Variants in MAPK8IP1 observed in about 807,000 individuals in gnomAD.
MAPK8IP1 encodes mitogen-activated protein kinase 8 interacting protein 1.
MAPK8IP1 carries 17 observed loss-of-function variants against 72.6 expected under a neutral mutation model. The observed-to-expected ratio is 0.23, with a 90% CI of 0.16 to 0.35. The LOEUF is 0.35. MAPK8IP1 is among the 10% of genes least tolerant of loss of function. The probability of loss-of-function intolerance (pLI) is 1.00; values close to 1 mark genes in which losing one functional copy is unlikely to be tolerated. For missense variants in MAPK8IP1, 789 were observed against 1,009.7 expected, an observed-to-expected ratio of 0.78 and a Z score of 2.96; for synonymous variants, 401 against 443.4, an observed-to-expected ratio of 0.90 and a Z score of 1.20.
Position 45,904,012 on chromosome 11 carries a change from A to G in MAPK8IP1, c.1517A>G (p.Glu506Gly). The G allele has an allele frequency of 6.2e-7, 1 of 1,613,710 alleles. No homozygotes were observed. Among genetic ancestry groups the G allele is most frequent in the South Asian group, 1.1e-5 (1 of 91,060 alleles). Residue 506 changes from glutamate to glycine, a missense_variant, in exon 7 of 12, where the codon GAA becomes GGA. Coordinates refer to ENST00000241014, the MANE Select transcript of MAPK8IP1 (RefSeq NM_005456.4). This position sits in a 1 kb window ranked among gnomAD's most constrained non-coding sequence, Gnocchi z 6.4. ...IFRFVPRHED[E>G]LELEVDDPLL... ...AGGTTTGTGCCTCGACACGAAGACG[A>G]ACTTGAGCTGGAAGTGGATGACCCT...
rs1590786694 is a variant in MAPK8IP1 at position 45,900,921 on chromosome 11, G to GC, written c.522+471dup. Among the ~76,000 whole-genome samples, 1 of 152,094 alleles carries GC rather than the reference G, an allele frequency of 6.6e-6. No homozygotes were observed. The highest frequency in any genetic ancestry group is 1.9e-4 in the East Asian group (1 of 5,176). ...CGAGGTGGGGATGGGAAGCTCAGGGGCCACAGCCAGTTTAAGATCTGGGCA... is the reference window on the plus strand; with the variant it reads ...CGAGGTGGGGATGGGAAGCTCAGGGGCCCACAGCCAGTTTAAGATCTGGGCA... On this transcript the variant is annotated intron_variant, in intron 3 of 11. Coordinates refer to ENST00000241014, the MANE Select transcript of MAPK8IP1 (RefSeq NM_005456.4). The surrounding 1 kb of genome is among the most constrained non-coding windows in gnomAD (Gnocchi z 6.5).
In MAPK8IP1 at chr11:45,903,862, A is replaced by G. The variant is rs1480933589; in HGVS notation, c.1494-127A>G. ...TCTCCCCTGGGGTTAGTACTGCAAC[A>G]GGCACACAGGATGCTTTTGCAAATG... On this transcript the variant is annotated intron_variant, in intron 6 of 11. Coordinates refer to ENST00000241014, the MANE Select transcript of MAPK8IP1 (RefSeq NM_005456.4). The surrounding 1 kb of genome is among the most constrained non-coding windows in gnomAD (Gnocchi z 6.4). The G allele has an allele frequency of 3.4e-6, 3 of 879,860 alleles. No individual in the cohort carries two copies. Among genetic ancestry groups the G allele is most frequent in the Non-Finnish European group, 5.7e-6 (3 of 528,592 alleles). The allele number at this position is 879,860 out of a possible 1,614,324, so 54.5% of individuals were successfully genotyped here.
In MAPK8IP1 at chr11:45,885,937, C is replaced by T. The variant is rs2134662097; in HGVS notation, c.101+16C>T. 2 of 1,457,898 alleles carry T rather than the reference C, an allele frequency of 1.4e-6. No individual in the cohort carries two copies. Among genetic ancestry groups the T allele is most frequent in the African/African-American group, 1.5e-5 (1 of 68,410 alleles). 90.3% of individuals were successfully genotyped at this position (1,457,898 alleles called of 1,614,324 possible). A position where few individuals can be genotyped will look rare whatever the true frequency, so the allele number is the denominator to read the frequency against. On this transcript the variant is annotated intron_variant, in intron 1 of 11. Coordinates refer to ENST00000241014, the MANE Select transcript of MAPK8IP1 (RefSeq NM_005456.4). ...CCAATTTCAGGTGAGAGTCCCCGGC[C>T]GCCGCGCGCCTCGCCCTTCAGCGGG...
chr11:45,893,276 G>A (rs2086580204), intron 1 of MAPK8IP1, among the ~76,000 whole-genome samples: 1 of 147,592 alleles, frequency 6.8e-6, no homozygotes, highest in Admixed American at 6.6e-5. Flanking sequence ...TGTGGTTGGT[G>A]GAAATGTGAC....
intron 1 of MAPK8IP1, chr11:45,897,081 A>G: frequency 5.5e-6 from 5 of 917,250 alleles, no homozygotes; most frequent in Non-Finnish European, 8.6e-6. Context: ...GGGCTAAGCC[A>G]CCATCTCTCC....
intron 3 of MAPK8IP1, among the ~76,000 whole-genome samples, chr11:45,901,052 G>C (rs546091364): frequency 6.6e-6 from 1 of 152,126 alleles, no homozygotes. Flanking sequence ...AAGGAGAGTT[G>C]AATAGGGTTG....
At chr11:45,898,301 C>CATGAA in intron 2 of MAPK8IP1, 111 bp downstream of exon 2, 1 of 708,698 alleles carries the variant, frequency 1.4e-6, no homozygotes, top group Non-Finnish European at 2.5e-6. Flanking sequence ...CTGGCACCCT[C>CATGAA]ATGAAATGAA....
chr11:45,889,065 A>T (rs1472495780), intron 1 of MAPK8IP1, among the ~76,000 whole-genome samples: 1 of 152,180 alleles, frequency 6.6e-6, no homozygotes, highest in East Asian at 1.9e-4. Context: ...AGTGTTTCAG[A>T]TTTCTAATTT....
intron 1 of MAPK8IP1, chr11:45,896,414 TA>T: frequency 1.7e-6 from 1 of 577,760 alleles, no homozygotes; most frequent in Non-Finnish European, 2.2e-6. Context: ...ACTGGCCCTT[TA>T]AAGCCAACCA....
rs1354791763 is a variant in MAPK8IP1 at position 45,905,174 on chromosome 11, A to C, written c.1988A>C (p.His663Pro). 2 of 1,612,494 alleles carry C rather than the reference A, an allele frequency of 1.2e-6. No homozygotes were observed. Among genetic ancestry groups the C allele is most frequent in the Non-Finnish European group, 8.5e-7 (1 of 1,179,848 alleles). The part of the protein sequence containing the change: ...NNKYFGFITK[H>P]PADHRFACHV... ...AGGTACTTTGGGTTCATCACCAAGC[A>C]CCCCGCCGACCACCGGTTTGCCTGC... Residue 663 changes from histidine (H) to proline (P), a missense_variant, in exon 11 of 12, where the codon CAC becomes CCC. This residue lies in a region of MAPK8IP1 where 188 missense variants were observed against 293.3 expected (regional missense o/e 0.64). Coordinates refer to ENST00000241014, the MANE Select transcript of MAPK8IP1 (RefSeq NM_005456.4).
intron 11 of MAPK8IP1, 41 bp from the exon 12 acceptor site, chr11:45,905,608 C>T (rs751614548): frequency 3.2e-6 from 5 of 1,563,210 alleles, no homozygotes; most frequent in Non-Finnish European, 4.4e-6. Context: ...CCTCCCTTGC[C>T]AGTGGCGATC....
At position 45,904,363 on chromosome 11, in the gene MAPK8IP1, C is replaced by T; in HGVS notation, c.1667-92C>T. On this transcript the variant is annotated intron_variant, in intron 7 of 11. Coordinates refer to ENST00000241014, the MANE Select transcript of MAPK8IP1 (RefSeq NM_005456.4). This position sits in a 1 kb window ranked among gnomAD's most constrained non-coding sequence, Gnocchi z 6.4. Reference sequence around the variant, plus strand: ...ATTGTGGCAGCCTCTGTGGGCTCTGCCATTCCCCGTGCCTCACCCACCCTC... The same window carrying T: ...ATTGTGGCAGCCTCTGTGGGCTCTGTCATTCCCCGTGCCTCACCCACCCTC... The T allele has an allele frequency of 8.2e-7, 1 of 1,220,096 alleles. No individual in the cohort carries two copies. The allele number at this position is 1,220,096 out of a possible 1,614,324, so 75.6% of individuals were successfully genotyped here. A position where few individuals can be genotyped will look rare whatever the true frequency, so the allele number is the denominator to read the frequency against.
chr11:45,887,106 C>T (rs1313797963), intron 1 of MAPK8IP1, among the ~76,000 whole-genome samples: 1 of 152,188 alleles, frequency 6.6e-6, no homozygotes, highest in Non-Finnish European at 1.5e-5. Flanking sequence ...GTCTGAGACT[C>T]CACCTGGCAT....
intron 2 of MAPK8IP1, among the ~76,000 whole-genome samples, 199 bp from the exon 3 acceptor site, chr11:45,899,939 C>T (rs1380960703): frequency 6.6e-6 from 1 of 152,170 alleles, no homozygotes; most frequent in Non-Finnish European, 1.5e-5. Context: ...GTCAGAGGCA[C>T]GGCTGGATCG....
intron 1 of MAPK8IP1, among the ~76,000 whole-genome samples, chr11:45,897,678 GA>G (rs1489684511): frequency 6.6e-6 from 1 of 152,214 alleles, no homozygotes; most frequent in Admixed American, 6.5e-5. Flanking sequence ...CTACTGCAGG[GA>G]TTGCACTGGG....
At chr11:45,889,557 G>A (rs2086550864) in intron 1 of MAPK8IP1, among the ~76,000 whole-genome samples, 1 of 152,218 alleles carries the variant, frequency 6.6e-6, no homozygotes, top group Admixed American at 6.5e-5. Flanking sequence ...CAGTTCACGT[G>A]GGAGGAACAG....
chr11:45,903,212 T>TG lies in MAPK8IP1; in HGVS notation c.1417+35dup, dbSNP rs201114008. On this transcript the variant is annotated intron_variant, in intron 5 of 11. Transcript: ENST00000241014. The surrounding 1 kb of genome is among the most constrained non-coding windows in gnomAD (Gnocchi z 6.4). ...GAGTCAGCAAGGGGAAGCAGTGGGG[T>TG]GGGGGGGTCCCTAGCGGGGGCAGAG... 6.5e-5 allele frequency: 87 copies of TG among 1,334,414 alleles called. No homozygotes were observed. The highest frequency in any genetic ancestry group is 8.6e-5 in the African/African-American group (6 of 69,906). 82.7% of individuals were successfully genotyped at this position (1,334,414 alleles called of 1,614,324 possible).
chr11:45,891,030 C>T (rs889657450), intron 1 of MAPK8IP1, among the ~76,000 whole-genome samples: 4 of 152,188 alleles, frequency 2.6e-5, no homozygotes, highest in African/African-American at 9.6e-5. Flanking sequence ...TGCCCAGGAC[C>T]GCCTTGGCCT....
chr11:45,904,788 G>T lies in MAPK8IP1; in HGVS notation c.1847G>T (p.Arg616Leu). The T allele has an allele frequency of 6.2e-7, 1 of 1,614,048 alleles. No homozygotes were observed. The highest frequency in any genetic ancestry group is 8.5e-7 in the Non-Finnish European group (1 of 1,180,028). ...AGCTGTGTCCTGGAGATCAGCGTGC[G>T]GGGTGTGAAGATAGGCGTCAAGGCC... ...PSSCVLEISV[R>L]GVKIGVKADD... Residue 616 changes from arginine to leucine, a missense_variant, in exon 9 of 12, where the codon CGG (arginine) becomes CTG (leucine). This residue lies in a region of MAPK8IP1 where 188 missense variants were observed against 293.3 expected (regional missense o/e 0.64). Transcript: ENST00000241014. The surrounding 1 kb of genome is among the most constrained non-coding windows in gnomAD (Gnocchi z 6.4).
Sources: gnomAD v4.1 joint callset for allele counts (sites outside exome capture counted in the v4.1 genomes callset) on GRCh38, gnomAD v4.1.1 for gene constraint, gnomAD v4.1.1 regional missense constraint, Gnocchi (gnomAD v3.1) non-coding constraint, MANE v1.5 for transcripts, NCBI Gene and HGNC (gene_info 2026-07-23, HGNC 2026-07-21) for gene names.